The following REDIC1 variants were observed in gnomAD, a reference collection of about 807,000 sequenced individuals.
REDIC1 encodes the protein HEI10 Interacting Protein 1.
the REDIC1 span, among the ~76,000 whole-genome samples, chr12:39,838,482 A>T: frequency 5.7e-5 from 8 of 139,590 alleles, no homozygotes; most frequent in Admixed American, 5.4e-4. Flanking sequence ...CCTAAAACTT[A>T]AAGTATAATA....
chr12:39,881,378 T>C, the REDIC1 span, among the ~76,000 whole-genome samples: 1 of 152,190 alleles, frequency 6.6e-6, no homozygotes, highest in Non-Finnish European at 1.5e-5. Context: ...TGAATTATTG[T>C]ACAACTAGAA....
chr12:39,673,114 G>C, the REDIC1 span, among the ~76,000 whole-genome samples: 2 of 151,968 alleles, frequency 1.3e-5, no homozygotes, highest in African/African-American at 4.8e-5. Context: ...TGCTATTGTA[G>C]GGAGGCTAGG....
chr12:39,667,848 G>A, the REDIC1 span, among the ~76,000 whole-genome samples: 1 of 152,000 alleles, frequency 6.6e-6, no homozygotes, highest in African/African-American at 2.4e-5. Context: ...TTTGATCTTT[G>A]TTTGTTCAAA....
the REDIC1 span, among the ~76,000 whole-genome samples, chr12:39,842,855 T>C: frequency 2.6e-5 from 4 of 152,032 alleles, no homozygotes; most frequent in African/African-American, 9.7e-5. Flanking sequence ...TTTATATCAA[T>C]GTAATTATAC....
the REDIC1 span, among the ~76,000 whole-genome samples, chr12:39,728,938 A>G: frequency 6.6e-6 from 1 of 151,766 alleles, no homozygotes; most frequent in South Asian, 2.1e-4. Flanking sequence ...TTTTCTAGTT[A>G]TATCTGCATA....
chr12:39,840,029 T>G, the REDIC1 span, among the ~76,000 whole-genome samples: 3,930 of 152,100 alleles, frequency 0.026, 63 homozygotes, highest in East Asian at 0.037. Flanking sequence ...CCATTCTTTT[T>G]TTTTGTTTTG....
At chr12:39,794,608 AG>A in the REDIC1 span, among the ~76,000 whole-genome samples, 2 of 152,166 alleles carry the variant, frequency 1.3e-5, no homozygotes, top group African/African-American at 4.8e-5. Context: ...GCAAAGGCAG[AG>A]CTGTAACCAA....
the REDIC1 span, among the ~76,000 whole-genome samples, chr12:39,880,987 T>C: frequency 6.6e-6 from 1 of 152,254 alleles, no homozygotes; most frequent in Non-Finnish European, 1.5e-5. Flanking sequence ...TCCCATTTGT[T>C]GAATTGTATG....
chr12:39,743,610 G>T, the REDIC1 span, among the ~76,000 whole-genome samples: 2 of 152,148 alleles, frequency 1.3e-5, no homozygotes, highest in Admixed American at 6.5e-5. Flanking sequence ...CAACATAAAA[G>T]AACAGATGGG....
chr12:39,778,023 T>C, the REDIC1 span, among the ~76,000 whole-genome samples: 13 of 152,198 alleles, frequency 8.5e-5, no homozygotes, highest in African/African-American at 3.1e-4. Context: ...GGGCTTCAGC[T>C]GTAAACATTC....
the REDIC1 span, among the ~76,000 whole-genome samples, chr12:39,881,557 C>T: frequency 1.3e-5 from 2 of 152,134 alleles, no homozygotes; most frequent in Non-Finnish European, 2.9e-5. Flanking sequence ...TTTCAGATCA[C>T]CTATTTATAC....
At chr12:39,748,824 G>T in the REDIC1 span, among the ~76,000 whole-genome samples, 4 of 152,258 alleles carry the variant, frequency 2.6e-5, no homozygotes, top group Admixed American at 6.5e-5. Flanking sequence ...TGACTACTGG[G>T]TACATAATGA....
the REDIC1 span, among the ~76,000 whole-genome samples, chr12:39,766,916 C>T: frequency 6.6e-6 from 1 of 152,032 alleles, no homozygotes; most frequent in Admixed American, 6.6e-5. Flanking sequence ...TACTTTCTCC[C>T]CTAAAGTCTT....
chr12:39,729,789 A>G, the REDIC1 span, among the ~76,000 whole-genome samples: 2 of 152,138 alleles, frequency 1.3e-5, no homozygotes, highest in African/African-American at 4.8e-5. Context: ...ATTATGTGGG[A>G]GTATAAGTCT....
At chr12:39,639,582 C>A in the REDIC1 span, among the ~76,000 whole-genome samples, 14 of 151,902 alleles carry the variant, frequency 9.2e-5, no homozygotes, top group Non-Finnish European at 4.4e-5. Flanking sequence ...ATATCAGACA[C>A]CCTGGATTTC....
the REDIC1 span, among the ~76,000 whole-genome samples, chr12:39,707,709 A>T: frequency 6.6e-6 from 1 of 152,074 alleles, no homozygotes; most frequent in East Asian, 1.9e-4. Context: ...TTGTTTTATA[A>T]TGTTTAATTT....
the REDIC1 span, chr12:39,640,980 A>T: frequency 1.2e-6 from 2 of 1,610,566 alleles, no homozygotes; most frequent in Non-Finnish European, 1.7e-6. Context: ...CAAGCAGGAA[A>T]GAAGAAAGCA....
chr12:39,713,942 C>G, the REDIC1 span, among the ~76,000 whole-genome samples: 2 of 147,052 alleles, frequency 1.4e-5, no homozygotes, highest in Non-Finnish European at 3.0e-5. Flanking sequence ...TGTGCATATA[C>G]CTATATATAC....
the REDIC1 span, among the ~76,000 whole-genome samples, chr12:39,849,978 T>C: frequency 1.3e-5 from 2 of 152,186 alleles, no homozygotes; most frequent in Admixed American, 1.3e-4. Flanking sequence ...TGGTTTAAAA[T>C]CTATGGATTC....
Sources: gnomAD v4.1 joint callset for allele counts (sites outside exome capture counted in the v4.1 genomes callset) on GRCh38, gnomAD v4.1.1 for gene constraint, MANE v1.5 for transcripts, NCBI Gene and HGNC (gene_info 2026-07-23, HGNC 2026-07-21) for gene names.